The following ADK variants were observed in gnomAD, a reference collection of about 807,000 sequenced individuals.
ADK encodes N6,N6-dimethyladenosine kinase.
A neutral mutation model predicts 44.7 loss-of-function variants in ADK; 24 were observed. The ratio of observed to expected loss-of-function variants is 0.54; its 90% confidence interval spans 0.39 to 0.76. The LOEUF (loss-of-function observed/expected upper bound fraction) is 0.76. Among genes scored for constraint, ADK ranks in the 30% least tolerant of loss-of-function variants. The probability of loss-of-function intolerance (pLI) is 0.00; values close to 1 mark genes in which losing one functional copy is unlikely to be tolerated. For missense variants in ADK, 321 were observed against 425.1 expected (o/e 0.76, Z 2.15); for synonymous variants, 128 against 142.6 (o/e 0.90, Z 0.73).
rs191561863 is a variant in ADK, at chr10:74,231,613, G to A, written c.194+7022G>A. ...CCTGAGTATCTGGGACTACCACTGT[G>A]CACCACCACACCTGGCTAATTTTTG... On this transcript the variant is annotated intron_variant, in intron 3 of 10. Coordinates refer to ENST00000539909, the MANE Select transcript of ADK (RefSeq NM_006721.4). Among the ~76,000 whole-genome samples, 739 of 150,724 alleles carry A rather than the reference G, an allele frequency of 4.9e-3. 1 individual carries two copies. Among genetic ancestry groups the A allele is most frequent in the Non-Finnish European group, 7.1e-3 (481 of 67,606 alleles).
chr10:74,509,588 C>T (rs1589192112), intron 6 of ADK: 1 of 152,278 alleles, frequency 6.6e-6, no homozygotes. Flanking sequence ...GTGTTAAGAA[C>T]ATTTAATATC....
At chr10:74,555,734 T>A (rs377352235) in intron 7 of ADK, among the ~76,000 whole-genome samples, 1 of 152,182 alleles carries the variant, frequency 6.6e-6, no homozygotes, top group Non-Finnish European at 1.5e-5. Flanking sequence ...TCAAGGATGA[T>A]CATGTCTTGG....
intron 6 of ADK, among the ~76,000 whole-genome samples, chr10:74,518,357 C>G (rs1325287295): frequency 6.6e-6 from 1 of 152,152 alleles, no homozygotes; most frequent in Non-Finnish European, 1.5e-5. Context: ...TACAACACAT[C>G]CTTCTTTATT....
At chr10:74,563,400 A>G (rs1199793904) in intron 7 of ADK, among the ~76,000 whole-genome samples, 1 of 152,144 alleles carries the variant, frequency 6.6e-6, no homozygotes, top group Non-Finnish European at 1.5e-5. Context: ...TTCTTCACCC[A>G]TGCCTCCATA....
intron 9 of ADK, among the ~76,000 whole-genome samples, chr10:74,646,671 A>G (rs1854065179): frequency 6.6e-6 from 1 of 152,224 alleles, no homozygotes; most frequent in Non-Finnish European, 1.5e-5. Flanking sequence ...AAATGTTAGT[A>G]TTACAGTAAG....
At chr10:74,708,208 T>C in intron 10 of ADK, 113 bp from the exon 11 acceptor site, 2 of 1,202,956 alleles carry the variant, frequency 1.7e-6, no homozygotes, top group Non-Finnish European at 2.4e-6. Context: ...TTTCTCTTAC[T>C]GTCAAGGCTG....
intron 3 of ADK, among the ~76,000 whole-genome samples, chr10:74,255,121 G>A (rs1450662566): frequency 1.3e-5 from 2 of 152,170 alleles, no homozygotes; most frequent in African/African-American, 4.8e-5. Flanking sequence ...GTAGGTTGGG[G>A]ATATGCAGCC....
chr10:74,431,595 G>T (rs887458998), intron 6 of ADK, among the ~76,000 whole-genome samples: 3 of 152,138 alleles, frequency 2.0e-5, no homozygotes, highest in African/African-American at 7.2e-5. Flanking sequence ...ACGAAAATTA[G>T]CCAGGTGTGG....
intron 2 of ADK, among the ~76,000 whole-genome samples, chr10:74,201,617 A>T (rs777319703): frequency 1.3e-4 from 19 of 151,638 alleles, no homozygotes; most frequent in East Asian, 5.8e-4. Context: ...TAGGAAAAAC[A>T]GTGTGTGTGT....
Position 74,620,149 on chromosome 10 carries a change from A to G in ADK, c.877+19656A>G, listed in dbSNP as rs553432322. On this transcript the variant is annotated intron_variant, in intron 9 of 10. Transcript: ENST00000539909. ...AATATCCTCCTTCTCACTATTTGAAACTATGTAATATATTATTGTTAACTG... is the reference window on the plus strand; with the variant it reads ...AATATCCTCCTTCTCACTATTTGAAGCTATGTAATATATTATTGTTAACTG... Among the ~76,000 whole-genome samples, 55 of 152,318 alleles carry G rather than the reference A, an allele frequency of 3.6e-4. No homozygotes were observed. The South Asian group carries it at 8.3e-3, about 23-fold the overall frequency.
Position 74,694,951 on chromosome 10 carries a change from T to A in ADK, c.965-13370T>A, listed in dbSNP as rs1856120429. Among the ~76,000 whole-genome samples, 4 of 151,944 alleles carry A rather than the reference T, an allele frequency of 2.6e-5. 1 individual carries two copies. In the South Asian group the frequency reaches 8.3e-4, roughly 31 times the overall value. On this transcript the variant is annotated intron_variant, in intron 10 of 10. Transcript: ENST00000539909. Reference sequence around the variant, plus strand: ...TTTAACTCATTGATAGACCTGGAATTCTTTTTTTTTTTAATATAGAGTGAG... The same window carrying A: ...TTTAACTCATTGATAGACCTGGAATACTTTTTTTTTTTAATATAGAGTGAG...
At chr10:74,559,558 T>C (rs909025426) in intron 7 of ADK, among the ~76,000 whole-genome samples, 9 of 152,266 alleles carry the variant, frequency 5.9e-5, no homozygotes, top group African/African-American at 1.7e-4. Flanking sequence ...ATCTCCAGAA[T>C]TGAACTGCCA....
chr10:74,357,182 G>T (rs1374584505), intron 4 of ADK, among the ~76,000 whole-genome samples: 1 of 152,172 alleles, frequency 6.6e-6, no homozygotes, highest in Non-Finnish European at 1.5e-5. Flanking sequence ...GTAATAAATT[G>T]TCTTTGTTTC....
intron 9 of ADK, among the ~76,000 whole-genome samples, chr10:74,652,616 C>T (rs1347837802): frequency 4.6e-5 from 7 of 151,364 alleles, no homozygotes; most frequent in Non-Finnish European, 1.0e-4. Flanking sequence ...AAAAATTAGC[C>T]GGCTGTAGTG....
At chr10:74,333,197 A>T (rs1431076251) in intron 4 of ADK, among the ~76,000 whole-genome samples, 1 of 152,186 alleles carries the variant, frequency 6.6e-6, no homozygotes, top group Non-Finnish European at 1.5e-5. Flanking sequence ...TACACAAGAA[A>T]TTTAAATTTG....
chr10:74,481,651 A>G (rs1345256514), intron 6 of ADK, among the ~76,000 whole-genome samples: 2 of 152,060 alleles, frequency 1.3e-5, no homozygotes, highest in African/African-American at 2.4e-5. Context: ...TTCCATTACT[A>G]TATATTTCTG....
At chr10:74,571,370 C>T (rs1052781260) in intron 7 of ADK, among the ~76,000 whole-genome samples, 38 of 152,072 alleles carry the variant, frequency 2.5e-4, no homozygotes, top group African/African-American at 7.5e-4. Flanking sequence ...ATGGTACCAG[C>T]TCCTCCTTGT....
At chr10:74,176,746 T>A in intron 1 of ADK, 1 of 1,534,296 alleles carries the variant, frequency 6.5e-7, no homozygotes, top group Non-Finnish European at 8.7e-7. Context: ...GCGCGGGGTG[T>A]GTGAGGACGC....
At position 74,192,434 on chromosome 10, in the gene ADK, G is replaced by A. The variant is rs550149379; in HGVS notation, c.66-8330G>A. Among the ~76,000 whole-genome samples the A allele has an allele frequency of 9.2e-5, 14 of 151,760 alleles. No homozygotes were observed. In the South Asian group the frequency reaches 2.3e-3, roughly 25 times the overall value. The stretch of plus-strand genomic sequence containing the variant: ...GTAGAAGCAAGTTTTCACTATGTTG[G>A]TCAGGCTAGTCTCGAACTCCTGACC... On this transcript the variant is annotated intron_variant, in intron 1 of 10. Coordinates refer to ENST00000539909, the MANE Select transcript of ADK (RefSeq NM_006721.4).
Sources: allele counts gnomAD v4.1 joint callset (sites outside exome capture counted in the v4.1 genomes callset), GRCh38; gene constraint gnomAD v4.1.1; transcripts MANE v1.5; gene names NCBI Gene and HGNC (gene_info 2026-07-23, HGNC 2026-07-21).